ITGA6: variants seen among roughly 807,000 people sequenced by gnomAD.
ITGA6 encodes integrin alpha-6.
Under a neutral mutation model 133.6 loss-of-function variants are expected in ITGA6, and 63 were observed. The observed-to-expected ratio is 0.47, with a 90% CI of 0.38 to 0.58. The LOEUF (loss-of-function observed/expected upper bound fraction) is 0.58. Among genes scored for constraint, ITGA6 ranks in the 20% least tolerant of loss-of-function variants. The pLI is 0.00. For synonymous variants in ITGA6, 434 were observed against 482.0 expected (o/e 0.90, Z 1.30); for missense variants, 1,068 against 1,309.4 (o/e 0.82, Z 2.85).
chr2:172,451,474 A>G (rs1685000603), intron 1 of ITGA6, among the ~76,000 whole-genome samples: 1 of 152,066 alleles, frequency 6.6e-6, no homozygotes, highest in Admixed American at 6.6e-5. Context: ...AAAAAAAAAA[A>G]AAAAGGGAAT....
intron 1 of ITGA6, among the ~76,000 whole-genome samples, chr2:172,430,986 G>A (rs185244005): frequency 1.7e-4 from 26 of 152,304 alleles, no homozygotes; most frequent in East Asian, 1.4e-3. Flanking sequence ...TCACAGGGAA[G>A]AACCTAGAAG....
rs749534380 is a variant in ITGA6, at chr2:172,427,875, G to C, written c.87G>C (p.Arg29=). ...RLGAAFNLDT[R]EDNVIRKYGD... ...GCGCAGCCTTCAACTTGGACACTCG[G>C]GAGGACAACGTGATCCGGAAATATG... Residue 29 remains arginine (R), a synonymous_variant, in exon 1 of 26, where the codon CGG becomes CGC. Coordinates refer to ENST00000684293, the MANE Select transcript of ITGA6 (RefSeq NM_000210.4). 6.2e-7 allele frequency: 1 copy of C among 1,606,854 alleles called. No individual in the cohort carries two copies. Among genetic ancestry groups the C allele is most frequent in the South Asian group, 1.1e-5 (1 of 90,078 alleles).
At chr2:172,442,514 T>TC (rs1684586878) in intron 1 of ITGA6, among the ~76,000 whole-genome samples, 3 of 152,158 alleles carry the variant, frequency 2.0e-5, no homozygotes, top group Admixed American at 6.5e-5. Context: ...CCATGGATGT[T>TC]CATAGGGAAG....
At chr2:172,465,750 T>C in intron 2 of ITGA6, 87 bp downstream of exon 2, 2 of 1,559,286 alleles carry the variant, frequency 1.3e-6, no homozygotes, top group Non-Finnish European at 1.8e-6. Flanking sequence ...CAAACATTTA[T>C]TCTTGTAGAG....
chr2:172,485,321 T>C (rs1686620540), intron 13 of ITGA6, 57 bp downstream of exon 13: 1 of 1,462,176 alleles, frequency 6.8e-7, no homozygotes, highest in Non-Finnish European at 9.6e-7. Context: ...TGATGCTAAA[T>C]CAAATGTCTT....
At chr2:172,467,619 C>G (rs1212491123) in intron 3 of ITGA6, 59 bp downstream of exon 3, 6 of 1,322,616 alleles carry the variant, frequency 4.5e-6, no homozygotes, top group Non-Finnish European at 6.5e-6. Flanking sequence ...TGTGCCAGCA[C>G]CAGGCTTACA....
At chr2:172,453,081 A>G (rs1471885764) in intron 1 of ITGA6, among the ~76,000 whole-genome samples, 2 of 152,240 alleles carry the variant, frequency 1.3e-5, no homozygotes, top group Non-Finnish European at 2.9e-5. Context: ...TGTTTGCTGA[A>G]TGAAAGAGTG....
At chr2:172,435,612 G>GTTT (rs1684284876) in intron 1 of ITGA6, among the ~76,000 whole-genome samples, 7 of 113,104 alleles carry the variant, frequency 6.2e-5, no homozygotes, top group African/African-American at 2.6e-4. Flanking sequence ...CAAGAGTTTT[G>GTTT]TTTCTTTTTT....
intron 2 of ITGA6, chr2:172,465,996 ATT>A: frequency 2.5e-6 from 1 of 392,844 alleles, no homozygotes. Context: ...CGTATCTTGT[ATT>A]CATCAGCCAA....
Position 172,488,481 on chromosome 2 carries a change from C to T in ITGA6, c.2505+253C>T, listed in dbSNP as rs539048827. ...ATGCGTTATGATTTATTCCTTCCTC[C>T]TTTATAAGGTCATCTTTCTCACTGC... On this transcript the variant is annotated intron_variant, in intron 19 of 25. Coordinates refer to ENST00000684293, the MANE Select transcript of ITGA6 (RefSeq NM_000210.4). 1.6e-3 allele frequency among the ~76,000 whole-genome samples: 242 copies of T among 152,284 alleles called. 1 individual carries two copies. The highest frequency in any genetic ancestry group is 0.014 in the South Asian group (67 of 4,824).
rs901128045 is a variant in ITGA6, at chr2:172,471,092, T to G, written c.762T>G (p.Ala254=). Residue 254 remains alanine (A), a synonymous_variant, in exon 5 of 26, where the codon GCT becomes GCG. Coordinates refer to ENST00000684293, the MANE Select transcript of ITGA6 (RefSeq NM_000210.4). The stretch of plus-strand genomic sequence containing the variant: ...ATGAAAGTCTCGTTCCTGTTCCTGC[T>G]AACAGTTACTTAGGTAGGAGCAGGC... ...EHDESLVPVP[A]NSYLGFSLDS... 1.2e-6 allele frequency: 2 copies of G among 1,614,240 alleles called. No individual in the cohort carries two copies. Among genetic ancestry groups the G allele is most frequent in the Non-Finnish European group, 1.7e-6 (2 of 1,180,034 alleles).
intron 13 of ITGA6, among the ~76,000 whole-genome samples, chr2:172,486,093 T>G (rs896661841): frequency 1.4e-5 from 2 of 143,592 alleles, no homozygotes; most frequent in African/African-American, 5.2e-5. Flanking sequence ...GGAGAATGCC[T>G]TAAACCCGGC....
In ITGA6 at chr2:172,492,143, G is replaced by A. The variant is rs564479707; in HGVS notation, c.2988+620G>A. ...TTCCTGGGCAATTTGATTCCCACGT[G>A]GACAGAGCAGCTGAGGTGGGGTCTG... On this transcript the variant is annotated intron_variant, in intron 23 of 25. Coordinates refer to ENST00000684293, the MANE Select transcript of ITGA6 (RefSeq NM_000210.4). Among the ~76,000 whole-genome samples, 107 of 152,316 alleles carry A rather than the reference G, an allele frequency of 7.0e-4. 1 individual carries two copies. The highest frequency in any genetic ancestry group is 1.0e-3 in the Admixed American group (16 of 15,300).
chr2:172,474,877 G>A, intron 6 of ITGA6, 52 bp from the exon 7 acceptor site: 1 of 871,756 alleles, frequency 1.1e-6, no homozygotes. Context: ...GACTGGTGTT[G>A]CTGGTATGTT....
rs1476084874 is a variant in ITGA6 at position 172,504,201 on chromosome 2, T to TG, written c.*134dup. On this transcript the variant is annotated 3_prime_UTR_variant, in exon 26 of 26. Transcript: ENST00000684293. ...AAGATGAAAAGTATATTGATAACCT[T>TG]GAAAAAAAACAGTGGATCACAAAGT... is the stretch of plus-strand genomic sequence containing the variant. 1.9e-6 allele frequency: 3 copies of TG among 1,587,140 alleles called. No individual in the cohort carries two copies. Among genetic ancestry groups the TG allele is most frequent in the African/African-American group, 1.3e-5 (1 of 74,252 alleles).
In ITGA6 at chr2:172,480,135, G is replaced by A. The variant is rs1686370108; in HGVS notation, c.1549+84G>A. On this transcript the variant is annotated intron_variant, in intron 11 of 25. Transcript: ENST00000684293. ...GCATAAATCACAGAAAAATAAAACTGCAGTGGCCAACATGGGTCTGTCAAT... is the reference window on the plus strand; with the variant it reads ...GCATAAATCACAGAAAAATAAAACTACAGTGGCCAACATGGGTCTGTCAAT... 3 of 808,584 alleles carry A rather than the reference G, an allele frequency of 3.7e-6. No individual in the cohort carries two copies. The South Asian group carries it at 4.2e-5, about 11-fold the overall frequency. 50.1% of individuals were successfully genotyped at this position (808,584 alleles called of 1,614,324 possible).
intron 11 of ITGA6, among the ~76,000 whole-genome samples, chr2:172,480,681 C>T (rs1686403359): frequency 6.6e-6 from 1 of 152,150 alleles, no homozygotes; most frequent in South Asian, 2.1e-4. Flanking sequence ...CAGAACAATG[C>T]CTAGTAGTCA....
intron 19 of ITGA6, 126 bp downstream of exon 19, chr2:172,488,354 A>C: frequency 1.3e-6 from 1 of 746,840 alleles, no homozygotes; most frequent in South Asian, 1.6e-5. Context: ...TGAGTTAAAA[A>C]TTAGTTTGCC....
At position 172,484,909 on chromosome 2, in the gene ITGA6, G is replaced by C; in HGVS notation, c.1677G>C (p.Gln559His). 1.2e-6 allele frequency: 2 copies of C among 1,614,204 alleles called. No homozygotes were observed. Among genetic ancestry groups the C allele is most frequent in the South Asian group, 2.2e-5 (2 of 91,088 alleles). The change falls in exon 12 of 26, where the codon CAG becomes CAC. Residue 559 changes from glutamine (Q) to histidine (H), a missense_variant. By Grantham distance (24) the Gln-to-His change is conservative (BLOSUM62 0). Transcript: ENST00000684293. ...AACTAACTCTGAAGAGGCAGAAACA[G>C]AAAGTGTGCATGGAGGAAACCCTGT... ...TQELTLKRQK[Q>H]KVCMEETLWL...
Sources: allele counts gnomAD v4.1 joint callset (sites outside exome capture counted in the v4.1 genomes callset), GRCh38; gene constraint gnomAD v4.1.1; transcripts MANE v1.5; gene names NCBI Gene and HGNC (gene_info 2026-07-23, HGNC 2026-07-21).